Variants in GNPTAB observed in about 807,000 individuals in gnomAD.
GNPTAB encodes N-acetylglucosamine-1-phosphate transferase subunits alpha and beta.
Under a neutral mutation model 136.6 loss-of-function variants are expected in GNPTAB, and 92 were observed. The ratio of observed to expected loss-of-function variants is 0.67; its 90% CI spans 0.57 to 0.80. The LOEUF (loss-of-function observed/expected upper bound fraction) is 0.80. GNPTAB is among the 30% of genes least tolerant of loss of function. GNPTAB has a pLI of 0.00. For missense variants in GNPTAB, 1,343 were observed against 1,501.8 expected, an observed-to-expected ratio of 0.89 and a Z score of 1.75; for synonymous variants, 512 against 535.1, an observed-to-expected ratio of 0.96 and a Z score of 0.60.
At position 101,780,561 on chromosome 12, in the gene GNPTAB, T is replaced by G; in HGVS notation, c.632A>C (p.Tyr211Ser). The G allele has an allele frequency of 6.2e-7, 1 of 1,601,472 alleles. No homozygotes were observed. The highest frequency in any genetic ancestry group is 1.1e-5 in the South Asian group (1 of 90,768). ...ATTAAATTTAAAATAACATACCAAGTAGCCCCTCCATACTGTCTGTCTGCT... is the reference window on the plus strand; with the variant it reads ...ATTAAATTTAAAATAACATACCAAGGAGCCCCTCCATACTGTCTGTCTGCT... ...GNSRQTVWRG[Y>S]LTTDKEVPGL... Residue 211 changes from tyrosine (Y) to serine (S), a missense_variant, in exon 6 of 21, where the codon TAC becomes TCC. Transcript: ENST00000299314.
chr12:101,789,852 C>T lies in GNPTAB; in HGVS notation c.323+86G>A. The T allele has an allele frequency of 2.3e-6, 3 of 1,291,126 alleles. No individual in the cohort carries two copies. The South Asian group carries it at 3.6e-5, about 15-fold the overall frequency. The allele number at this position is 1,291,126 out of a possible 1,614,324, so 80.0% of individuals were successfully genotyped here. A position where few individuals can be genotyped will look rare whatever the true frequency, so the allele number is the denominator to read the frequency against. On this transcript the variant is annotated intron_variant, in intron 3 of 20. Coordinates refer to ENST00000299314, the MANE Select transcript of GNPTAB (RefSeq NM_024312.5). ...TTCATTAGCATGATGACTGGGTTTT[C>T]ATGCTCATATGTGAGATGTGCCACC...
chr12:101,764,593 A>G lies in GNPTAB; in HGVS notation c.2324T>C (p.Leu775Ser). The change falls in exon 13 of 21, where the codon TTG becomes TCG. Residue 775 changes from leucine (L) to serine (S), a missense_variant. Leu to Ser is a moderately radical substitution (Grantham distance 145, BLOSUM62 -2). Transcript: ENST00000299314. ...PQEKQVHKSI[L>S]PNSLGVSERL... ...TTCAGACACTCCTAAGCTGTTTGGC[A>G]AGATGCTTTTATGAACCTGTTTTTC... The G allele has an allele frequency of 1.2e-6, 2 of 1,614,094 alleles. No homozygotes were observed. The highest frequency in any genetic ancestry group is 1.7e-6 in the Non-Finnish European group (2 of 1,180,020).
At chr12:101,796,800 A>G in intron 1 of GNPTAB, 38 bp from the exon 2 acceptor site, 1 of 1,269,482 alleles carries the variant, frequency 7.9e-7, no homozygotes, top group South Asian at 1.2e-5. Context: ...TTCGCATCAA[A>G]GACTAAGAGT....
intron 1 of GNPTAB, among the ~76,000 whole-genome samples, chr12:101,816,761 A>G (rs934310839): frequency 3.3e-5 from 5 of 152,266 alleles, no homozygotes; most frequent in African/African-American, 1.2e-4. Flanking sequence ...TTATTTCAGC[A>G]CTATTCACAA....
intron 7 of GNPTAB, among the ~76,000 whole-genome samples, chr12:101,775,992 C>G (rs995807472): frequency 6.6e-6 from 1 of 152,130 alleles, no homozygotes; most frequent in Non-Finnish European, 1.5e-5. Flanking sequence ...GAAAACTTCC[C>G]CCATGTCTCT....
chr12:101,755,842 C>G (rs1952893742), intron 18 of GNPTAB, among the ~76,000 whole-genome samples: 1 of 152,196 alleles, frequency 6.6e-6, no homozygotes, highest in Non-Finnish European at 1.5e-5. Context: ...TGCCATGTGT[C>G]TTTTTACTAA....
At chr12:101,793,895 T>TG (rs1484736335) in intron 2 of GNPTAB, among the ~76,000 whole-genome samples, 1 of 152,132 alleles carries the variant, frequency 6.6e-6, no homozygotes, top group African/African-American at 2.4e-5. Context: ...CAGGCTGGAG[T>TG]GCAGTGGTGC....
intron 16 of GNPTAB, among the ~76,000 whole-genome samples, chr12:101,759,631 C>A (rs992504813): frequency 2.0e-5 from 3 of 152,058 alleles, no homozygotes; most frequent in African/African-American, 7.2e-5. Flanking sequence ...ACCCACTGCC[C>A]CTACTGGTAA....
intron 5 of GNPTAB, among the ~76,000 whole-genome samples, chr12:101,784,209 A>C (rs1868501882): frequency 6.6e-6 from 1 of 152,240 alleles, no homozygotes; most frequent in African/African-American, 2.4e-5. Context: ...AAAAGTAAAA[A>C]TAAAATCATT....
Position 101,779,060 on chromosome 12 carries a change from T to TG in GNPTAB, c.771+1091dup, listed in dbSNP as rs371638307. On this transcript the variant is annotated intron_variant, in intron 7 of 20. Coordinates refer to ENST00000299314, the MANE Select transcript of GNPTAB (RefSeq NM_024312.5). ...AGAAACAAGTTAAAAGGAATTTGGT[T>TG]GGGGGGTGCATATAAAAACATGGTT... 3,331 of 152,126 alleles carry TG rather than the reference T, an allele frequency of 0.022. 342 individuals carry two copies. In the East Asian group the frequency reaches 0.32, roughly 14 times the overall value. The allele number at this position is 152,126 out of a possible 1,614,324, so 9.4% of individuals were successfully genotyped here.
At position 101,786,282 on chromosome 12, in the gene GNPTAB, G is replaced by C. The variant is rs1198613690; in HGVS notation, c.366-65C>G. ...AAATTTAATCAGCAATGAGAAGCTT[G>C]TCATACTACTAAATTTTTCAGATTT... On this transcript the variant is annotated intron_variant, in intron 4 of 20. Transcript: ENST00000299314. The C allele has an allele frequency of 4.7e-6, 6 of 1,272,126 alleles. No individual in the cohort carries two copies. In the East Asian group the frequency reaches 9.9e-5, roughly 21 times the overall value. The allele number at this position is 1,272,126 out of a possible 1,614,324, so 78.8% of individuals were successfully genotyped here.
intron 1 of GNPTAB, among the ~76,000 whole-genome samples, chr12:101,805,256 A>C (rs1021215506): frequency 2.6e-5 from 4 of 152,246 alleles, no homozygotes; most frequent in Non-Finnish European, 5.9e-5. Flanking sequence ...TGTGAAACTT[A>C]ATGTATTTAC....
chr12:101,824,432 A>ATATATATATATATATTT (rs1188582277), intron 1 of GNPTAB, among the ~76,000 whole-genome samples: 8 of 50,868 alleles, frequency 1.6e-4, no homozygotes, highest in Non-Finnish European at 1.8e-4. Context: ...ATATATATAT[A>ATATATATATATATATTT]TTTTCTTTTT....
intron 7 of GNPTAB, chr12:101,778,270 A>G (rs543360791): frequency 2.6e-4 from 39 of 152,268 alleles, no homozygotes; most frequent in African/African-American, 8.9e-4. Context: ...AGAGTGGAGT[A>G]TGGAGAAGTG....
intron 7 of GNPTAB, 74 bp from the exon 8 acceptor site, chr12:101,771,231 G>A: frequency 1.6e-6 from 2 of 1,234,128 alleles, no homozygotes. Context: ...TTCCCACTCT[G>A]CTCTTTAATC....
chr12:101,773,896 A>G (rs903075784), intron 7 of GNPTAB: 5 of 152,230 alleles, frequency 3.3e-5, no homozygotes, highest in African/African-American at 1.2e-4. Flanking sequence ...GCCTCCATAT[A>G]TGGCATCTTA....
chr12:101,787,529 T>C (rs1868724870), intron 4 of GNPTAB, among the ~76,000 whole-genome samples: 1 of 152,180 alleles, frequency 6.6e-6, no homozygotes, highest in South Asian at 2.1e-4. Flanking sequence ...ATTGCTTTTA[T>C]TTAAATAATT....
chr12:101,809,802 G>T (rs1453434046), intron 1 of GNPTAB, among the ~76,000 whole-genome samples: 4 of 152,206 alleles, frequency 2.6e-5, no homozygotes, highest in Admixed American at 1.3e-4. Flanking sequence ...CTGCAGGGCA[G>T]TGAAACTATT....
rs367687458 is a variant in GNPTAB at position 101,771,246 on chromosome 12, C to CT, written c.772-90dup. 0.11 allele frequency: 94,650 copies of CT among 838,260 alleles called. 35 individuals carry two copies. Among genetic ancestry groups the CT allele is most frequent in the East Asian group, 0.18 (6,223 of 34,510 alleles). The allele number at this position is 838,260 out of a possible 1,614,324, so 51.9% of individuals were successfully genotyped here. On this transcript the variant is annotated intron_variant, in intron 7 of 20. Transcript: ENST00000299314. ...TTCCCACTCTGCTCTTTAATCTTTC[C>CT]TTTTTTTTTTTTTTTTGAGACACAG...
Sources: allele counts gnomAD v4.1 joint callset (sites outside exome capture counted in the v4.1 genomes callset), GRCh38; gene constraint gnomAD v4.1.1; transcripts MANE v1.5; gene names NCBI Gene and HGNC (gene_info 2026-07-23, HGNC 2026-07-21).